CD58: variants seen among roughly 807,000 people sequenced by gnomAD.
CD58 encodes the protein CD58 molecule.
CD58 carries 14 observed loss-of-function variants against 27.6 expected under a neutral mutation model. The ratio of observed to expected loss-of-function variants is 0.51; its 90% CI spans 0.34 to 0.79. CD58 has a LOEUF of 0.79. CD58 is among the 30% of genes least tolerant of loss of function. CD58 has a pLI of 0.02. For synonymous variants in CD58, 117 were observed against 103.8 expected (o/e 1.13, Z -0.77); for missense variants, 268 against 301.7 (o/e 0.89, Z 0.83).
At position 116,534,363 on chromosome 1, in the gene CD58, T is replaced by G. The variant is rs1657717544; in HGVS notation, c.628+1602A>C. 6.6e-6 allele frequency among the ~76,000 whole-genome samples: 1 copy of G among 152,152 alleles called. No individual in the cohort carries two copies. The highest frequency in any genetic ancestry group is 1.5e-5 in the Non-Finnish European group (1 of 68,008). On this transcript the variant is annotated intron_variant, in intron 3 of 5. Coordinates refer to ENST00000369489, the MANE Select transcript of CD58 (RefSeq NM_001779.3). The surrounding 1 kb of genome is among the most constrained non-coding windows in gnomAD (Gnocchi z 5.3). The stretch of plus-strand genomic sequence containing the variant: ...ACGGAAAAACTCAAATTCCTAAACA[T>G]CTAATAAAGAGGTCCTGGACGTCTC...
At chr1:116,544,698 G>A in intron 1 of CD58, 94 bp from the exon 2 acceptor site, 1 of 792,906 alleles carries the variant, frequency 1.3e-6, no homozygotes. Flanking sequence ...CTGACAAACT[G>A]CTGACACAAA....
At position 116,531,867 on chromosome 1, in the gene CD58, T is replaced by C. The variant is rs1657623803; in HGVS notation, c.628+4098A>G. Among the ~76,000 whole-genome samples, 2 of 152,244 alleles carry C rather than the reference T, an allele frequency of 1.3e-5. No individual in the cohort carries two copies. The highest frequency in any genetic ancestry group is 1.9e-4 in the East Asian group (1 of 5,202). Reference sequence around the variant, plus strand: ...TTAGGCTGAGCACTCTCTACAGGCCTGGTCAGCGCGGACAAGGCCATCCCC... The same window carrying C: ...TTAGGCTGAGCACTCTCTACAGGCCCGGTCAGCGCGGACAAGGCCATCCCC... On this transcript the variant is annotated intron_variant, in intron 3 of 5. Coordinates refer to ENST00000369489, the MANE Select transcript of CD58 (RefSeq NM_001779.3). This position sits in a 1 kb window ranked among gnomAD's most constrained non-coding sequence, Gnocchi z 4.5.
intron 1 of CD58, among the ~76,000 whole-genome samples, chr1:116,561,577 G>A (rs1658753557): frequency 6.6e-6 from 1 of 152,160 alleles, no homozygotes; most frequent in East Asian, 1.9e-4. Context: ...TGCATGACTG[G>A]TAATTGTGCT....
At chr1:116,525,398 G>A (rs1369659683) in intron 3 of CD58, among the ~76,000 whole-genome samples, 1 of 152,078 alleles carries the variant, frequency 6.6e-6, no homozygotes, top group Non-Finnish European at 1.5e-5. Context: ...ATATTCTATT[G>A]TCTGTATGTA....
chr1:116,538,459 T>G lies in CD58; in HGVS notation c.365-2231A>C, dbSNP rs949683220. Among the ~76,000 whole-genome samples the G allele has an allele frequency of 6.6e-6, 1 of 152,200 alleles. No individual in the cohort carries two copies. The highest frequency in any genetic ancestry group is 1.5e-5 in the Non-Finnish European group (1 of 68,036). ...CTTATGCCTGCCTCTGTAACTAGGC[T>G]GGGCATTTCTCAGGGGCAGAAAACC... On this transcript the variant is annotated intron_variant, in intron 2 of 5. Transcript: ENST00000369489. This position sits in a 1 kb window ranked among gnomAD's most constrained non-coding sequence, Gnocchi z 4.7.
In CD58 at chr1:116,534,879, T is replaced by A. The variant is rs1249994732; in HGVS notation, c.628+1086A>T. ...GCTAATTTCCCTTATCTGTTTCAGC[T>A]GCTTGTTCAGAAAAATTTCATTCAT... On this transcript the variant is annotated intron_variant, in intron 3 of 5. Transcript: ENST00000369489. This position sits in a 1 kb window ranked among gnomAD's most constrained non-coding sequence, Gnocchi z 5.3. Among the ~76,000 whole-genome samples the A allele has an allele frequency of 6.6e-6, 1 of 152,236 alleles. No homozygotes were observed. Among genetic ancestry groups the A allele is most frequent in the Non-Finnish European group, 1.5e-5 (1 of 68,032 alleles).
intron 1 of CD58, among the ~76,000 whole-genome samples, chr1:116,569,598 CTTTTTTTT>C: frequency 9.0e-6 from 1 of 110,940 alleles, no homozygotes; most frequent in Non-Finnish European, 1.8e-5. Context: ...CACAGCTCAC[CTTTTTTTT>C]TTTTTTTTTT....
intron 3 of CD58, chr1:116,533,463 T>G (rs1452631663): frequency 2.7e-6 from 2 of 746,002 alleles, no homozygotes; most frequent in South Asian, 2.7e-5. Flanking sequence ...GGGTTGAAAG[T>G]GGAACTCTTA....
At chr1:116,549,732 A>G (rs916317557) in intron 1 of CD58, among the ~76,000 whole-genome samples, 6 of 152,190 alleles carry the variant, frequency 3.9e-5, no homozygotes, top group Non-Finnish European at 8.8e-5. Context: ...CAGTTCTATA[A>G]TCTACATTAA....
Position 116,517,573 on chromosome 1 carries a change from G to A in CD58, c.743+1658C>T, listed in dbSNP as rs942711777. On this transcript the variant is annotated intron_variant, in intron 5 of 5. Coordinates refer to ENST00000369489, the MANE Select transcript of CD58 (RefSeq NM_001779.3). The surrounding 1 kb of genome is among the most constrained non-coding windows in gnomAD (Gnocchi z 6.5). The stretch of plus-strand genomic sequence containing the variant: ...ACAAAACCAAAGGTCTTAACCCCTC[G>A]CCTACCTCCTTGTCTCTGCAGCTTT... Among the ~76,000 whole-genome samples the A allele has an allele frequency of 6.6e-6, 1 of 152,020 alleles. No individual in the cohort carries two copies. The highest frequency in any genetic ancestry group is 2.4e-5 in the African/African-American group (1 of 41,358).
Position 116,524,327 on chromosome 1 carries a change from G to T in CD58, c.629-2344C>A, listed in dbSNP as rs1414274. On this transcript the variant is annotated intron_variant, in intron 3 of 5. Coordinates refer to ENST00000369489, the MANE Select transcript of CD58 (RefSeq NM_001779.3). This position sits in a 1 kb window ranked among gnomAD's most constrained non-coding sequence, Gnocchi z 4.6. ...AAACTGGGAAGTCTGGGCACACCAG[G>T]TAACACTGGTCACTCAAATCTGGGT... is the stretch of plus-strand genomic sequence containing the variant. Among the ~76,000 whole-genome samples, 125 of 152,250 alleles carry T rather than the reference G, an allele frequency of 8.2e-4. No individual in the cohort carries two copies. Among genetic ancestry groups the T allele is most frequent in the Non-Finnish European group, 1.4e-3 (96 of 68,018 alleles).
rs978687926 is a variant in CD58, at chr1:116,570,448, G to A, written c.70+455C>T. 2.0e-5 allele frequency among the ~76,000 whole-genome samples: 3 copies of A among 152,076 alleles called. No individual in the cohort carries two copies. The highest frequency in any genetic ancestry group is 4.4e-5 in the Non-Finnish European group (3 of 67,980). ...CGGCGGACGCCGCGCGGGCGGGGAC[G>A]GCACCGCGCGGGGAGGGCAGCAGGC... On this transcript the variant is annotated intron_variant, in intron 1 of 5. Coordinates refer to ENST00000369489, the MANE Select transcript of CD58 (RefSeq NM_001779.3). This position sits in a 1 kb window ranked among gnomAD's most constrained non-coding sequence, Gnocchi z 6.4.
intron 1 of CD58, among the ~76,000 whole-genome samples, chr1:116,553,991 G>C (rs1658475489): frequency 1.3e-5 from 2 of 152,156 alleles, no homozygotes; most frequent in South Asian, 4.1e-4. Context: ...TACTCAGATA[G>C]TAGGAAAAAG....
intron 3 of CD58, among the ~76,000 whole-genome samples, chr1:116,535,146 C>T (rs1305811511): frequency 6.6e-6 from 1 of 151,980 alleles, no homozygotes; most frequent in Non-Finnish European, 1.5e-5. Flanking sequence ...AAATCATAGC[C>T]AAGACAGATT....
intron 1 of CD58, among the ~76,000 whole-genome samples, chr1:116,558,428 C>G (rs1047904312): frequency 3.9e-5 from 6 of 152,148 alleles, no homozygotes; most frequent in African/African-American, 1.4e-4. Context: ...TCAGTTGATG[C>G]CTACTTGCAG....
rs1657900174 is a variant in CD58, at chr1:116,538,839, G to A, written c.365-2611C>T. Among the ~76,000 whole-genome samples, 1 of 152,168 alleles carries A rather than the reference G, an allele frequency of 6.6e-6. No individual in the cohort carries two copies. Among genetic ancestry groups the A allele is most frequent in the Non-Finnish European group, 1.5e-5 (1 of 68,026 alleles). ...TCACAAGCAGTACAGGACAGATGGG[G>A]AGACAGATGGATAGAAGGATAGATT... On this transcript the variant is annotated intron_variant, in intron 2 of 5. Transcript: ENST00000369489. The surrounding 1 kb of genome is among the most constrained non-coding windows in gnomAD (Gnocchi z 4.7).
chr1:116,529,524 AG>A (rs1330241082), intron 3 of CD58, among the ~76,000 whole-genome samples: 1 of 152,228 alleles, frequency 6.6e-6, no homozygotes, highest in East Asian at 1.9e-4. Context: ...ACAGTGGGGA[AG>A]ACACAGTGCT....
chr1:116,526,494 C>A (rs1657438751), intron 3 of CD58, among the ~76,000 whole-genome samples: 1 of 152,130 alleles, frequency 6.6e-6, no homozygotes, highest in Non-Finnish European at 1.5e-5. Context: ...GATCAGTTGA[C>A]CATATTTATG....
chr1:116,563,000 G>A (rs1242138831), intron 1 of CD58, among the ~76,000 whole-genome samples: 1 of 152,172 alleles, frequency 6.6e-6, no homozygotes, highest in Non-Finnish European at 1.5e-5. Context: ...TCGGAGATAA[G>A]GCAAGTACCT....
Sources: allele counts gnomAD v4.1 joint callset (sites outside exome capture counted in the v4.1 genomes callset), GRCh38; gene constraint gnomAD v4.1.1; non-coding constraint Gnocchi (gnomAD v3.1); transcripts MANE v1.5; gene names NCBI Gene and HGNC (gene_info 2026-07-23, HGNC 2026-07-21).